The following ACAP2 variants were observed in gnomAD, a reference collection of about 807,000 sequenced individuals.
ACAP2 encodes the protein ArfGAP with coiled-coil, ankyrin repeat and PH domains 2.
ACAP2 carries 39 observed loss-of-function variants against 115.8 expected under a neutral mutation model. That is an observed-to-expected ratio of 0.34 (90% confidence interval 0.26 to 0.44). ACAP2 has a LOEUF of 0.44. Among genes scored for constraint, ACAP2 ranks in the 20% least tolerant of loss-of-function variants. ACAP2 has a pLI of 1.00. For missense variants in ACAP2, 662 were observed against 927.6 expected (o/e 0.71, Z 3.72); for synonymous variants, 289 against 315.8 (o/e 0.92, Z 0.90).
chr3:195,371,429 G>A (rs1465447652), intron 4 of ACAP2, among the ~76,000 whole-genome samples: 1 of 152,144 alleles, frequency 6.6e-6, no homozygotes, highest in Admixed American at 6.5e-5. Context: ...TGCTGAAGTT[G>A]TTTATCAGCT....
intron 4 of ACAP2, among the ~76,000 whole-genome samples, chr3:195,350,687 A>G (rs1255959038): frequency 6.6e-6 from 1 of 151,976 alleles, no homozygotes; most frequent in Non-Finnish European, 1.5e-5. Context: ...AAAAAGATCA[A>G]TAAAGCAGAA....
chr3:195,408,220 G>C (rs1712951984), intron 1 of ACAP2, among the ~76,000 whole-genome samples: 1 of 152,122 alleles, frequency 6.6e-6, no homozygotes, highest in Non-Finnish European at 1.5e-5. Context: ...CCAGCACTTT[G>C]GGAGCCCAAG....
chr3:195,406,587 C>A (rs1712791835), intron 1 of ACAP2, among the ~76,000 whole-genome samples: 1 of 152,222 alleles, frequency 6.6e-6, no homozygotes, highest in Admixed American at 6.5e-5. Context: ...CCACCCTGAC[C>A]TCCCAAAGTG....
Position 195,301,664 on chromosome 3 carries a change from C to T in ACAP2, c.1326-20G>A, listed in dbSNP as rs1728064841. On this transcript the variant is annotated intron_variant, in intron 14 of 22. Coordinates refer to ENST00000326793, the MANE Select transcript of ACAP2 (RefSeq NM_012287.6). ...AGGCTCCTAAGTGGAAAAAAGAAGA[C>T]TGCATTACTATCAAGTCTCTGTTTG... 2 of 1,602,280 alleles carry T rather than the reference C, an allele frequency of 1.2e-6. No individual in the cohort carries two copies. The highest frequency in any genetic ancestry group is 1.7e-6 in the Non-Finnish European group (2 of 1,173,864).
In ACAP2 at chr3:195,279,140, A is replaced by G. The variant is rs941210794; in HGVS notation, c.*188T>C. On this transcript the variant is annotated 3_prime_UTR_variant, in exon 23 of 23. Transcript: ENST00000326793. ...GCTTTTTTAATAAAAGAGGTCCTAA[A>G]CTAGGTTCCTCTCCTACTACTAGAT... is the stretch of plus-strand genomic sequence containing the variant. The G allele has an allele frequency of 2.2e-6, 1 of 455,150 alleles. No individual in the cohort carries two copies. Among genetic ancestry groups the G allele is most frequent in the African/African-American group, 2.1e-5 (1 of 48,680 alleles). 28.2% of individuals were successfully genotyped at this position (455,150 alleles called of 1,614,324 possible). A position where few individuals can be genotyped will look rare whatever the true frequency, so the allele number is the denominator to read the frequency against.
intron 9 of ACAP2, among the ~76,000 whole-genome samples, chr3:195,324,520 G>A (rs182488842): frequency 8.6e-4 from 131 of 152,212 alleles, no homozygotes; most frequent in African/African-American, 2.9e-3. Context: ...TTGGGAGGCC[G>A]AGGTGGATGG....
chr3:195,303,040 C>T (rs1479011678), intron 13 of ACAP2, among the ~76,000 whole-genome samples: 1 of 152,102 alleles, frequency 6.6e-6, no homozygotes, highest in Non-Finnish European at 1.5e-5. Context: ...ACAGTGAAAC[C>T]CTGTCTCTAC....
chr3:195,292,563 GA>G, intron 18 of ACAP2, 111 bp from the exon 19 acceptor site: 1 of 984,836 alleles, frequency 1.0e-6, no homozygotes, highest in Non-Finnish European at 1.5e-6. Flanking sequence ...TTCTGTGGAT[GA>G]ATGGCAGTAA....
chr3:195,333,793 CA>C (rs1730326236), intron 7 of ACAP2, among the ~76,000 whole-genome samples: 1 of 151,982 alleles, frequency 6.6e-6, no homozygotes, highest in East Asian at 1.9e-4. Context: ...GCAAAAAAGA[CA>C]AAAAGATAAG....
At chr3:195,322,221 A>T (rs1462343777) in intron 9 of ACAP2, among the ~76,000 whole-genome samples, 1 of 152,240 alleles carries the variant, frequency 6.6e-6, no homozygotes, top group Non-Finnish European at 1.5e-5. Context: ...TGCTGTTTTC[A>T]GCAAATTTAA....
chr3:195,375,011 G>A (rs893739600), intron 4 of ACAP2, among the ~76,000 whole-genome samples: 1 of 152,000 alleles, frequency 6.6e-6, no homozygotes, highest in African/African-American at 2.4e-5. Context: ...GGCCAGCATG[G>A]TAAAACCCCA....
chr3:195,332,764 C>T (rs1730259703), intron 8 of ACAP2, among the ~76,000 whole-genome samples: 1 of 152,126 alleles, frequency 6.6e-6, no homozygotes, highest in Admixed American at 6.6e-5. Flanking sequence ...GTTTCTCCTG[C>T]GTTCATTCTC....
intron 7 of ACAP2, among the ~76,000 whole-genome samples, chr3:195,333,324 C>A (rs1325456033): frequency 6.6e-6 from 1 of 152,210 alleles, no homozygotes; most frequent in Non-Finnish European, 1.5e-5. Flanking sequence ...ACTTCAGCCT[C>A]CTAAATAGCT....
At chr3:195,325,510 A>G (rs190082831) in intron 9 of ACAP2, 2 of 411,074 alleles carry the variant, frequency 4.9e-6, no homozygotes, top group East Asian at 7.2e-5. Context: ...TAAGCAAAAA[A>G]TAGCATCATT....
chr3:195,283,451 C>G (rs2108892533), intron 22 of ACAP2, among the ~76,000 whole-genome samples: 1 of 152,220 alleles, frequency 6.6e-6, no homozygotes, highest in South Asian at 2.1e-4. Context: ...TCTTCATTAT[C>G]AAAAGATTAA....
At chr3:195,436,445 C>T (rs549503806) in intron 1 of ACAP2, among the ~76,000 whole-genome samples, 48 of 152,026 alleles carry the variant, frequency 3.2e-4, no homozygotes, top group Non-Finnish European at 6.0e-4. Context: ...TCTTATTATA[C>T]TTGCCTGTAG....
At chr3:195,303,348 G>A (rs1180591698) in intron 13 of ACAP2, among the ~76,000 whole-genome samples, 10 of 152,124 alleles carry the variant, frequency 6.6e-5, no homozygotes, top group South Asian at 2.1e-4. Context: ...GGGGGCTATT[G>A]TAGTAAGCCA....
intron 22 of ACAP2, 189 bp from the exon 23 acceptor site, chr3:195,279,617 TA>T: frequency 2.5e-6 from 1 of 398,096 alleles, no homozygotes; most frequent in Non-Finnish European, 4.4e-6. Context: ...AAAAAAAAAC[TA>T]TACCTGAAAA....
intron 10 of ACAP2, among the ~76,000 whole-genome samples, chr3:195,318,611 T>A (rs979284227): frequency 6.6e-6 from 1 of 152,126 alleles, no homozygotes; most frequent in African/African-American, 2.4e-5. Context: ...AGAGAGAGGA[T>A]TTAGGATATC....
Sources: allele counts gnomAD v4.1 joint callset (sites outside exome capture counted in the v4.1 genomes callset), GRCh38; gene constraint gnomAD v4.1.1; transcripts MANE v1.5; gene names NCBI Gene and HGNC (gene_info 2026-07-23, HGNC 2026-07-21).